The following THOC2 variants were observed in gnomAD, a reference collection of about 807,000 sequenced individuals.
THOC2 encodes THO complex 2.
Under a neutral mutation model 128.4 loss-of-function variants are expected in THOC2, and 10 were observed. The ratio of observed to expected loss-of-function variants is 0.08; its 90% CI spans 0.05 to 0.13. The LOEUF (loss-of-function observed/expected upper bound fraction) is 0.13. Ranked by LOEUF, THOC2 falls within the 10% of genes least tolerant of loss-of-function variation. The pLI, the probability that THOC2 is intolerant of heterozygous loss-of-function variation, is 1.00. For missense variants in THOC2, 535 were observed against 1,155.7 expected (o/e 0.46, Z 7.79); for synonymous variants, 393 against 396.9 (o/e 0.99, Z 0.12).
At chrX:123,646,509 A>G (rs1313081883) in intron 12 of THOC2, among the ~76,000 whole-genome samples, 1 of 112,161 alleles carries the variant, frequency 8.9e-6, no homozygotes, top group Non-Finnish European at 1.9e-5. Flanking sequence ...TTGGTAGATA[A>G]GGGTGTTTTG....
In THOC2 at chrX:123,620,924, G is replaced by A. The variant is rs1341511896; in HGVS notation, c.4258C>T (p.His1420Tyr). The change falls in exon 32 of 39, where the codon CAT becomes TAT. Residue 1420 changes from histidine to tyrosine, a missense_variant. This residue lies in a region of THOC2 where 116 missense variants were observed against 180.0 expected (regional missense o/e 0.64). Coordinates refer to ENST00000245838, the MANE Select transcript of THOC2 (RefSeq NM_001081550.2). ...RKIDTHPSPS[H>Y]SSTVKDSLIE... Reference sequence around the variant, plus strand: ...ATACTAACCTTTACTGTGGAGGAATGTGATGGAGAAGGGTGAGTATCAATT... The same window carrying A: ...ATACTAACCTTTACTGTGGAGGAATATGATGGAGAAGGGTGAGTATCAATT... The A allele has an allele frequency of 8.3e-7, 1 of 1,210,989 alleles. No individual in the cohort carries two copies. Among genetic ancestry groups the A allele is most frequent in the Admixed American group, 2.2e-5 (1 of 45,992 alleles).
At chrX:123,726,468 G>A (rs1252404906) in intron 1 of THOC2, among the ~76,000 whole-genome samples, 2 of 106,293 alleles carry the variant, frequency 1.9e-5, no homozygotes, top group Non-Finnish European at 3.9e-5. Context: ...AGCCAAGATC[G>A]TGCCACTGCA....
chrX:123,622,491 A>G (rs2047122754), intron 30 of THOC2, among the ~76,000 whole-genome samples: 1 of 112,110 alleles, frequency 8.9e-6, no homozygotes, highest in African/African-American at 3.2e-5. Flanking sequence ...TCAAAGCCCA[A>G]CATAAATGAC....
At chrX:123,661,354 G>A (rs945413598) in intron 12 of THOC2, among the ~76,000 whole-genome samples, 8 of 110,465 alleles carry the variant, frequency 7.2e-5, no homozygotes, top group African/African-American at 1.7e-4. Flanking sequence ...GCAGTGAGCC[G>A]AGGTCGCGCC....
intron 12 of THOC2, among the ~76,000 whole-genome samples, chrX:123,663,606 G>A (rs895808077): frequency 9.3e-6 from 1 of 108,066 alleles, no homozygotes; most frequent in Non-Finnish European, 1.9e-5. Context: ...AAGACTCTAG[G>A]TTGCAGGTAC....
At chrX:123,657,960 CGT>C (rs60969537) in intron 12 of THOC2, among the ~76,000 whole-genome samples, 15,144 of 94,543 alleles carry the variant, frequency 0.16, 1,047 homozygotes, top group East Asian at 0.27. Context: ...TACGCATATG[CGT>C]GTGTGTGTGT....
At position 123,668,092 on chromosome X, in the gene THOC2, T is replaced by A. The variant is rs1299225999; in HGVS notation, c.1017+67A>T. On this transcript the variant is annotated intron_variant, in intron 10 of 38. Transcript: ENST00000245838. ...AATTATTCTTCCATAAATGACTATT[T>A]AGAAGTTAAATTTCATAATTCAAAA... 5 of 851,864 alleles carry A rather than the reference T, an allele frequency of 5.9e-6. No homozygotes were observed. The African/African-American group carries it at 1.0e-4, about 18-fold the overall frequency. The allele number at this position is 851,864 out of a possible 1,213,427, so 70.2% of individuals were successfully genotyped here. A position where few individuals can be genotyped will look rare whatever the true frequency, so the allele number is the denominator to read the frequency against.
At chrX:123,605,597 T>C (rs753121669) in intron 38 of THOC2, among the ~76,000 whole-genome samples, 1 of 110,445 alleles carries the variant, frequency 9.1e-6, no homozygotes, top group South Asian at 3.8e-4. Flanking sequence ...TCCTATAAAA[T>C]GGTGTGTTTG....
intron 12 of THOC2, among the ~76,000 whole-genome samples, chrX:123,655,363 C>A (rs2147756228): frequency 9.0e-6 from 1 of 111,534 alleles, no homozygotes; most frequent in East Asian, 2.8e-4. Flanking sequence ...GACAAAAAAA[C>A]AAAAAGTAGT....
At position 123,638,232 on chromosome X, in the gene THOC2, T is replaced by G; in HGVS notation, c.1841-109A>C. 2 of 447,862 alleles carry G rather than the reference T, an allele frequency of 4.5e-6. 1 individual carries two copies. Among genetic ancestry groups the G allele is most frequent in the Non-Finnish European group, 7.5e-6 (2 of 268,415 alleles). The allele number at this position is 447,862 out of a possible 1,213,427, so 36.9% of individuals were successfully genotyped here. A position where few individuals can be genotyped will look rare whatever the true frequency, so the allele number is the denominator to read the frequency against. Reference sequence around the variant, plus strand: ...AATTGTTGGTCATTACAAATTATTTTTCTAGTTTTCCAAGACCAGGGATGT... The same window carrying G: ...AATTGTTGGTCATTACAAATTATTTGTCTAGTTTTCCAAGACCAGGGATGT... On this transcript the variant is annotated intron_variant, in intron 17 of 38. Coordinates refer to ENST00000245838, the MANE Select transcript of THOC2 (RefSeq NM_001081550.2).
chrX:123,696,914 A>T (rs747710416), intron 5 of THOC2, 72 bp from the exon 6 acceptor site: 2 of 806,658 alleles, frequency 2.5e-6, no homozygotes, highest in Non-Finnish European at 3.3e-6. Flanking sequence ...ATTCAAACTA[A>T]AGCTTCCTAA....
intron 20 of THOC2, 36 bp from the exon 21 acceptor site, chrX:123,633,076 G>A: frequency 9.8e-7 from 1 of 1,024,358 alleles, no homozygotes; most frequent in South Asian, 2.8e-5. Context: ...CCAGTGTACA[G>A]TACATAACCC....
chrX:123,730,265 G>A (rs2148008694), intron 1 of THOC2, among the ~76,000 whole-genome samples: 1 of 107,609 alleles, frequency 9.3e-6, no homozygotes, highest in Non-Finnish European at 1.9e-5. Context: ...CGCAACTTCC[G>A]CCTCCCAGAT....
Position 123,646,303 on chromosome X carries a change from A to G in THOC2, c.1387-928T>C, listed in dbSNP as rs192808299. 9.8e-5 allele frequency among the ~76,000 whole-genome samples: 11 copies of G among 112,298 alleles called. No homozygotes were observed. In the East Asian group the frequency reaches 2.2e-3, roughly 23 times the overall value. On this transcript the variant is annotated intron_variant, in intron 12 of 38. Transcript: ENST00000245838. ...AAAGTGATGTTTGACAAGGATGTCT[A>G]TTAATTCAAAATGAAACAGTGAATG...
chrX:123,697,356 A>G (rs1189881614), intron 5 of THOC2, among the ~76,000 whole-genome samples: 1 of 112,462 alleles, frequency 8.9e-6, no homozygotes, highest in Non-Finnish European at 1.9e-5. Flanking sequence ...ACAGTTTATG[A>G]GGAAAAAAAT....
chrX:123,642,478 A>G (rs2047965265), intron 15 of THOC2, among the ~76,000 whole-genome samples: 1 of 110,667 alleles, frequency 9.0e-6, no homozygotes, highest in South Asian at 3.8e-4. Context: ...ACAGAGTAAC[A>G]GTTCCTGCTC....
chrX:123,634,340 C>T (rs2047594487), intron 19 of THOC2, among the ~76,000 whole-genome samples: 1 of 111,045 alleles, frequency 9.0e-6, no homozygotes, highest in Non-Finnish European at 1.9e-5. Flanking sequence ...ATATCCTTTA[C>T]CTCAACTTCA....
At chrX:123,644,446 T>C in intron 15 of THOC2, 129 bp downstream of exon 15, 1 of 413,331 alleles carries the variant, frequency 2.4e-6, no homozygotes. Flanking sequence ...ATCTGTAGTA[T>C]ATAAATCAGC....
chrX:123,707,991 A>G lies in THOC2; in HGVS notation c.131-1042T>C, dbSNP rs774211313. On this transcript the variant is annotated intron_variant, in intron 2 of 38. Coordinates refer to ENST00000245838, the MANE Select transcript of THOC2 (RefSeq NM_001081550.2). Reference sequence around the variant, plus strand: ...AAAAAAAAAAAAAAAAATTAGCCAGATGTGGTGGCACACACCTGTTATGCC... The same window carrying G: ...AAAAAAAAAAAAAAAAATTAGCCAGGTGTGGTGGCACACACCTGTTATGCC... 4.3e-3 allele frequency among the ~76,000 whole-genome samples: 472 copies of G among 108,573 alleles called. 2 individuals are homozygous for G. Among genetic ancestry groups the G allele is most frequent in the African/African-American group, 0.015 (447 of 29,922 alleles). 94.3% of individuals were successfully genotyped at this position (108,573 alleles called of 115,157 possible). A position where few individuals can be genotyped will look rare whatever the true frequency, so the allele number is the denominator to read the frequency against.
Sources: allele counts gnomAD v4.1 joint callset (sites outside exome capture counted in the v4.1 genomes callset), GRCh38; gene constraint gnomAD v4.1.1; regional missense constraint gnomAD v4.1.1; transcripts MANE v1.5; gene names NCBI Gene and HGNC (gene_info 2026-07-23, HGNC 2026-07-21).